The following SCTR variants were observed in gnomAD, a reference collection of about 807,000 sequenced individuals.
SCTR encodes pancreatic secretin receptor.
Under a neutral mutation model 60.8 loss-of-function variants are expected in SCTR, and 56 were observed. That is an observed-to-expected ratio of 0.92 (90% CI 0.74 to 1.15). The LOEUF (loss-of-function observed/expected upper bound fraction) is 1.15. SCTR is among the 50% of genes most tolerant of loss of function. The pLI is 0.00. For synonymous variants in SCTR, 202 were observed against 217.0 expected (o/e 0.93, Z 0.61); for missense variants, 562 against 550.4 (o/e 1.02, Z -0.21).
intron 5 of SCTR, among the ~76,000 whole-genome samples, chr2:119,464,865 A>C (rs1249685506): frequency 6.6e-6 from 1 of 152,222 alleles, no homozygotes; most frequent in Non-Finnish European, 1.5e-5. Context: ...CTAGGGGCAC[A>C]GAAGGAACAC....
chr2:119,499,639 G>C (rs2587676), intron 1 of SCTR, among the ~76,000 whole-genome samples: 130,420 of 152,134 alleles, frequency 0.86, 55,994 homozygotes, highest in African/African-American at 0.9. Flanking sequence ...TATTGAAAAT[G>C]AATCAATGTA....
chr2:119,449,891 G>T (rs998848150), intron 9 of SCTR, among the ~76,000 whole-genome samples: 2 of 142,894 alleles, frequency 1.4e-5, no homozygotes, highest in African/African-American at 2.6e-5. Context: ...GTTTAATTTT[G>T]TTTGCCTTAG....
chr2:119,483,957 C>CA (rs1003103252), intron 2 of SCTR, among the ~76,000 whole-genome samples: 2 of 152,008 alleles, frequency 1.3e-5, no homozygotes, highest in Non-Finnish European at 2.9e-5. Context: ...CCAAGCCAAG[C>CA]AGGAATGGGA....
At chr2:119,496,679 A>G (rs1678359311) in intron 1 of SCTR, among the ~76,000 whole-genome samples, 1 of 152,172 alleles carries the variant, frequency 6.6e-6, no homozygotes, top group South Asian at 2.1e-4. Context: ...GGCAATAAGG[A>G]AGCACTGCCA....
chr2:119,444,338 T>C (rs539374663), intron 11 of SCTR, among the ~76,000 whole-genome samples: 9 of 99,402 alleles, frequency 9.1e-5, no homozygotes, highest in South Asian at 5.9e-4. Flanking sequence ...TGAATATATA[T>C]ACACATATAT....
chr2:119,466,987 G>A (rs78194128), intron 4 of SCTR, among the ~76,000 whole-genome samples: 4,249 of 152,172 alleles, frequency 0.028, 187 homozygotes, highest in African/African-American at 0.093. Context: ...TACATTGCGC[G>A]CCTATGCAGC....
intron 1 of SCTR, among the ~76,000 whole-genome samples, chr2:119,503,181 A>G (rs1358754305): frequency 6.6e-6 from 1 of 151,072 alleles, no homozygotes; most frequent in Non-Finnish European, 1.5e-5. Flanking sequence ...AAAAAAATAG[A>G]AAAGAAAAAG....
rs368643532 is a variant in SCTR, at chr2:119,473,556, C to G, written c.302G>C (p.Gly101Ala). The change falls in exon 4 of 13, where the codon GGT (glycine) becomes GCT (alanine). Residue 101 changes from glycine to alanine, a missense_variant and splice_region_variant. Physicochemically the swap from Gly to Ala is moderately conservative, Grantham distance 60 (BLOSUM62 0). Coordinates refer to ENST00000019103, the MANE Select transcript of SCTR (RefSeq NM_002980.3). The part of the protein sequence containing the change: ...RFLRMLTSRN[G>A]SLFRNCTQDG... Reference sequence around the variant, plus strand: ...CTGTGTGCAGTTTCGGAACAAGGAACCTGTGGGTGCCAAGAGTCCTGTAGG... The same window carrying G: ...CTGTGTGCAGTTTCGGAACAAGGAAGCTGTGGGTGCCAAGAGTCCTGTAGG... 6 of 1,608,342 alleles carry G rather than the reference C, an allele frequency of 3.7e-6. No homozygotes were observed. Among genetic ancestry groups the G allele is most frequent in the African/African-American group, 1.3e-5 (1 of 74,766 alleles).
chr2:119,495,492 C>T (rs1678310495), intron 1 of SCTR: 1 of 152,174 alleles, frequency 6.6e-6, no homozygotes, highest in Admixed American at 6.5e-5. Flanking sequence ...TGCTGAAGCC[C>T]ATAGTCTCTG....
chr2:119,523,392 CTATTATTATTATTATTATTATTATTAT>C lies in SCTR; in HGVS notation c.72+736_72+762del, dbSNP rs70947300. On this transcript the variant is annotated intron_variant, in intron 1 of 12. Coordinates refer to ENST00000019103, the MANE Select transcript of SCTR (RefSeq NM_002980.3). ...GAAAAACAAACCACCCATCCTGCCG[CTATTATTATTATTATTATTATTATTAT>C]TATTATTATTATTATTATTATTTTC... Among the ~76,000 whole-genome samples, 5 of 134,268 alleles carry C rather than the reference CTATTATTATTATTATTATTATTATTAT, an allele frequency of 3.7e-5. No homozygotes were observed. In the Admixed American group the frequency reaches 3.8e-4, roughly 10 times the overall value. 88.1% of individuals were successfully genotyped at this position (134,268 alleles called of 152,430 possible). A position where few individuals can be genotyped will look rare whatever the true frequency, so the allele number is the denominator to read the frequency against.
intron 4 of SCTR, among the ~76,000 whole-genome samples, chr2:119,472,904 G>A (rs894924104): frequency 6.6e-5 from 10 of 152,184 alleles, no homozygotes; most frequent in Non-Finnish European, 7.3e-5. Flanking sequence ...GGGATTATAG[G>A]TGTAAGCCGC....
chr2:119,440,144 C>A lies in SCTR; in HGVS notation c.1296G>T (p.Gln432His), dbSNP rs1449006651. Residue 432 changes from glutamine (Q) to histidine (H), a missense_variant, in exon 13 of 13, where the codon CAG (glutamine) becomes CAT (histidine). Gln to His is a conservative substitution (Grantham distance 24). Transcript: ENST00000019103. ...STKASHLEQS[Q>H]GTCRTSII ...AGATGATGCTGGTCCTGCAGGTGCC[C>A]TGGCTCTGCTCCAAGTGGCTGGCCT... 1 of 1,614,018 alleles carries A rather than the reference C, an allele frequency of 6.2e-7. No homozygotes were observed. The highest frequency in any genetic ancestry group is 2.2e-5 in the East Asian group (1 of 44,886).
At chr2:119,473,429 T>G in intron 4 of SCTR, 24 bp downstream of exon 4, 4 of 1,539,460 alleles carry the variant, frequency 2.6e-6, no homozygotes, top group East Asian at 2.2e-5. Flanking sequence ...CCCGGGTTCG[T>G]GGGGTGGAGG....
Position 119,465,077 on chromosome 2 carries a change from C to T in SCTR, c.503+712G>A, listed in dbSNP as rs1558849307. Among the ~76,000 whole-genome samples the T allele has an allele frequency of 2.6e-5, 4 of 152,192 alleles. No individual in the cohort carries two copies. The South Asian group carries it at 8.3e-4, about 32-fold the overall frequency. On this transcript the variant is annotated intron_variant, in intron 5 of 12. Coordinates refer to ENST00000019103, the MANE Select transcript of SCTR (RefSeq NM_002980.3). Reference sequence around the variant, plus strand: ...AGCTCTGGATTGGGAGGGCTCCACCCTTCTCACCCTCATGACAGACTTGAT... The same window carrying T: ...AGCTCTGGATTGGGAGGGCTCCACCTTTCTCACCCTCATGACAGACTTGAT...
intron 1 of SCTR, among the ~76,000 whole-genome samples, chr2:119,515,770 C>T (rs1372600683): frequency 6.6e-6 from 1 of 152,148 alleles, no homozygotes; most frequent in Non-Finnish European, 1.5e-5. Flanking sequence ...ACCACGTTGG[C>T]CTGAGCCATG....
At chr2:119,453,692 G>A (rs1468243101) in intron 7 of SCTR, among the ~76,000 whole-genome samples, 2 of 152,192 alleles carry the variant, frequency 1.3e-5, no homozygotes, top group Non-Finnish European at 2.9e-5. Context: ...GGAGGCAGCT[G>A]GAGAGCCCCC....
chr2:119,460,780 C>T (rs571954436), intron 7 of SCTR, among the ~76,000 whole-genome samples: 4 of 152,300 alleles, frequency 2.6e-5, no homozygotes, highest in African/African-American at 7.2e-5. Flanking sequence ...TCTCATTCTC[C>T]CTCTTTCCTA....
chr2:119,453,385 G>T, intron 7 of SCTR, 38 bp from the exon 8 acceptor site: 1 of 1,534,426 alleles, frequency 6.5e-7, no homozygotes, highest in Non-Finnish European at 9.0e-7. Flanking sequence ...AGAAGAGAGA[G>T]GACTCAATTT....
At chr2:119,463,062 T>TACACACACAC (rs35496213) in intron 6 of SCTR, among the ~76,000 whole-genome samples, 9 of 148,304 alleles carry the variant, frequency 6.1e-5, no homozygotes, top group African/African-American at 2.2e-4. Flanking sequence ...AGTCAGAAAA[T>TACACACACAC]ACACACACAC....
Sources: gnomAD v4.1 joint callset for allele counts (sites outside exome capture counted in the v4.1 genomes callset) on GRCh38, gnomAD v4.1.1 for gene constraint, MANE v1.5 for transcripts, NCBI Gene and HGNC (gene_info 2026-07-23, HGNC 2026-07-21) for gene names.